The following CTNND2 variants were observed in gnomAD, a reference collection of about 807,000 sequenced individuals.
The protein encoded by CTNND2 is catenin delta-2.
In CTNND2, 22 loss-of-function variants were observed where a neutral mutation model predicts 144.4. That is an observed-to-expected ratio of 0.15 (90% CI 0.11 to 0.22). The LOEUF (loss-of-function observed/expected upper bound fraction) is 0.22, where lower values mean the gene tolerates loss of function less well. Ranked by LOEUF, CTNND2 falls within the 10% of genes least tolerant of loss-of-function variation. CTNND2 has a pLI of 1.00. For synonymous variants in CTNND2, 751 were observed against 695.6 expected, an observed-to-expected ratio of 1.08 and a Z score of -1.25; for missense variants, 1,353 against 1,618.8, an observed-to-expected ratio of 0.84 and a Z score of 2.82.
At chr5:11,054,386 T>C (rs1285070941) in intron 16 of CTNND2, among the ~76,000 whole-genome samples, 1 of 151,826 alleles carries the variant, frequency 6.6e-6, no homozygotes, top group Admixed American at 6.6e-5. Flanking sequence ...AGCTAGAAAA[T>C]GTACAACAAT....
At chr5:11,122,734 G>T (rs199828883) in intron 12 of CTNND2, among the ~76,000 whole-genome samples, 3 of 151,822 alleles carry the variant, frequency 2.0e-5, no homozygotes, top group East Asian at 3.9e-4. Flanking sequence ...TTTGAGGAGT[G>T]GGGTGGGCTG....
intron 8 of CTNND2, among the ~76,000 whole-genome samples, chr5:11,355,461 C>A (rs1755768467): frequency 6.6e-6 from 1 of 151,942 alleles, no homozygotes; most frequent in Admixed American, 6.6e-5. Context: ...AATTCAACAT[C>A]CCTGCATGAT....
At chr5:11,731,858 G>A (rs755250016) in intron 2 of CTNND2, among the ~76,000 whole-genome samples, 1 of 151,968 alleles carries the variant, frequency 6.6e-6, no homozygotes, top group African/African-American at 2.4e-5. Context: ...TTAAATGTCA[G>A]GTCCATCAAT....
intron 9 of CTNND2, among the ~76,000 whole-genome samples, chr5:11,250,475 C>A (rs1402572713): frequency 8.0e-5 from 5 of 62,364 alleles, no homozygotes; most frequent in East Asian, 4.0e-4. Context: ...CTCTCTCTCT[C>A]TCTCTCTCTC....
chr5:11,508,057 T>A (rs1175801365), intron 3 of CTNND2, among the ~76,000 whole-genome samples: 1 of 151,912 alleles, frequency 6.6e-6, no homozygotes, highest in Non-Finnish European at 1.5e-5. Flanking sequence ...ATATATTACA[T>A]CTCTGTCCTA....
In CTNND2 at chr5:11,903,735, CA is replaced by C; in HGVS notation, c.37+81del. On this transcript the variant is annotated intron_variant, in intron 1 of 21. Coordinates refer to ENST00000304623, the MANE Select transcript of CTNND2 (RefSeq NM_001332.4). The surrounding 1 kb of genome is among the most constrained non-coding windows in gnomAD (Gnocchi z 5.4). Reference sequence around the variant, plus strand: ...CGCCTGCCGGCCGGGAGCCCAGGACCACCCCCACCAGCGGCAAGAGGAGGAG... The same window carrying C: ...CGCCTGCCGGCCGGGAGCCCAGGACCCCCCCACCAGCGGCAAGAGGAGGAG... 1 of 1,382,824 alleles carries C rather than the reference CA, an allele frequency of 7.2e-7. No individual in the cohort carries two copies. The highest frequency in any genetic ancestry group is 9.6e-7 in the Non-Finnish European group (1 of 1,045,670). The allele number at this position is 1,382,824 out of a possible 1,614,324, so 85.7% of individuals were successfully genotyped here. A position where few individuals can be genotyped will look rare whatever the true frequency, so the allele number is the denominator to read the frequency against.
intron 3 of CTNND2, among the ~76,000 whole-genome samples, chr5:11,443,502 C>T (rs1318205008): frequency 6.6e-6 from 1 of 151,226 alleles, no homozygotes; most frequent in African/African-American, 2.4e-5. Flanking sequence ...TGTCTTCACA[C>T]AAGCATGTGC....
intron 3 of CTNND2, among the ~76,000 whole-genome samples, chr5:11,485,437 T>A (rs1166320893): frequency 6.6e-6 from 1 of 152,090 alleles, no homozygotes; most frequent in African/African-American, 2.4e-5. Context: ...TTTTAATTCT[T>A]TTTCTACTTG....
At chr5:11,142,463 A>G (rs535262538) in intron 12 of CTNND2, among the ~76,000 whole-genome samples, 1 of 152,316 alleles carries the variant, frequency 6.6e-6, no homozygotes, top group South Asian at 2.1e-4. Flanking sequence ...GGGTGTGAAC[A>G]GTGAGAGGAA....
At chr5:11,857,684 A>C (rs1282610541) in intron 1 of CTNND2, among the ~76,000 whole-genome samples, 1 of 152,158 alleles carries the variant, frequency 6.6e-6, no homozygotes, top group Non-Finnish European at 1.5e-5. Context: ...ATATTTAATA[A>C]ATTTGAGCTG....
intron 9 of CTNND2, among the ~76,000 whole-genome samples, chr5:11,247,339 A>G (rs989117039): frequency 1.3e-5 from 2 of 152,130 alleles, no homozygotes; most frequent in African/African-American, 4.8e-5. Context: ...GTGTGAGAAA[A>G]GAAAGAGGCC....
At chr5:11,472,258 A>G (rs1767297823) in intron 3 of CTNND2, among the ~76,000 whole-genome samples, 1 of 152,212 alleles carries the variant, frequency 6.6e-6, no homozygotes, top group Admixed American at 6.5e-5. Flanking sequence ...ATAACCACGA[A>G]TATCTTTCAA....
chr5:11,073,189 T>C (rs995121098), intron 16 of CTNND2, among the ~76,000 whole-genome samples: 1 of 152,248 alleles, frequency 6.6e-6, no homozygotes, highest in South Asian at 2.1e-4. Context: ...CTTTTGTTTT[T>C]AACAAGGAGA....
chr5:10,998,482 G>A (rs1739581296), intron 18 of CTNND2, among the ~76,000 whole-genome samples: 1 of 152,196 alleles, frequency 6.6e-6, no homozygotes, highest in African/African-American at 2.4e-5. Flanking sequence ...AAATTTGTGT[G>A]CTGTGAGAAG....
intron 18 of CTNND2, among the ~76,000 whole-genome samples, chr5:10,995,690 A>G (rs1191986561): frequency 6.6e-6 from 1 of 152,192 alleles, no homozygotes; most frequent in African/African-American, 2.4e-5. Flanking sequence ...CTGAATGCAG[A>G]GAAGGAAAAA....
At chr5:11,652,269 G>T (rs778142779) in intron 2 of CTNND2, among the ~76,000 whole-genome samples, 1 of 152,006 alleles carries the variant, frequency 6.6e-6, no homozygotes, top group Non-Finnish European at 1.5e-5. Flanking sequence ...CTCCTCCTAC[G>T]GCCACGTAAG....
At chr5:11,259,213 C>T (rs1267244885) in intron 9 of CTNND2, among the ~76,000 whole-genome samples, 2 of 152,172 alleles carry the variant, frequency 1.3e-5, no homozygotes, top group African/African-American at 4.8e-5. Context: ...TTCAGACTTG[C>T]TAACTCCCAC....
Position 11,098,590 on chromosome 5 carries a change from A to T in CTNND2, c.2622T>A (p.Ala874=). 1.9e-6 allele frequency: 3 copies of T among 1,613,930 alleles called. No homozygotes were observed. Among genetic ancestry groups the T allele is most frequent in the Non-Finnish European group, 2.5e-6 (3 of 1,179,948 alleles). The change falls in exon 15 of 22, where the codon GCT becomes GCA. Residue 874 remains alanine (A), a synonymous_variant. Transcript: ENST00000304623. ...CTGGCCATACCTTCCAGCTCCCTGC[A>T]GCCAAGTTCTGCAGGGCGCCTGCCG... is the stretch of plus-strand genomic sequence containing the variant. ...EGAAGALQNL[A]AGSWKWSVYI...
chr5:11,433,202 C>G (rs551224009), intron 3 of CTNND2, among the ~76,000 whole-genome samples: 3 of 151,222 alleles, frequency 2.0e-5, no homozygotes, highest in South Asian at 4.2e-4. Flanking sequence ...GCCCAGATCA[C>G]GCCACTGCAC....
Sources: allele counts gnomAD v4.1 joint callset (sites outside exome capture counted in the v4.1 genomes callset), GRCh38; gene constraint gnomAD v4.1.1; non-coding constraint Gnocchi (gnomAD v3.1); transcripts MANE v1.5; gene names NCBI Gene and HGNC (gene_info 2026-07-23, HGNC 2026-07-21).